Variants in SNCB observed in about 807,000 individuals in gnomAD.
The protein encoded by SNCB is synuclein beta.
A neutral mutation model predicts 20.0 loss-of-function variants in SNCB; 8 were observed. That is an observed-to-expected ratio of 0.40 (90% CI 0.24 to 0.72). SNCB has a LOEUF of 0.72. Ranked by LOEUF, SNCB falls within the 30% of genes least tolerant of loss-of-function variation. SNCB has a pLI of 0.37. For synonymous variants in SNCB, 56 were observed against 65.4 expected, an observed-to-expected ratio of 0.86 and a Z score of 0.69; for missense variants, 125 against 168.0, an observed-to-expected ratio of 0.74 and a Z score of 1.41.
At chr5:176,624,573 G>A (rs1759810195) in intron 4 of SNCB, among the ~76,000 whole-genome samples, 1 of 152,174 alleles carries the variant, frequency 6.6e-6, no homozygotes, top group African/African-American at 2.4e-5. Context: ...GGCCGAGGCA[G>A]GTGGATCACC....
Position 176,621,360 on chromosome 5 carries a change from C to T in SNCB, c.283-57G>A. On this transcript the variant is annotated intron_variant, in intron 4 of 5. Transcript: ENST00000393693. The surrounding 1 kb of genome is among the most constrained non-coding windows in gnomAD (Gnocchi z 4.1). ...ACAGCCAGGATGCCCCCCAAATTCC[C>T]ACAGTGGTAAGCTTTGGGTGGGTTG... 6.9e-7 allele frequency: 1 copy of T among 1,454,196 alleles called. No homozygotes were observed. The allele number at this position is 1,454,196 out of a possible 1,614,324, so 90.1% of individuals were successfully genotyped here.
In SNCB at chr5:176,621,223, G is replaced by A. The variant is rs1190905548; in HGVS notation, c.363C>T (p.Asp121=). Residue 121 remains aspartate (D), a synonymous_variant, in exon 5 of 6, where the codon GAC becomes GAT. Transcript: ENST00000393693. The surrounding 1 kb of genome is among the most constrained non-coding windows in gnomAD (Gnocchi z 4.1). ...LMEPEGESYE[D]PPQEEYQEYE... ...CCTGCTGCCCCCTCACCTGGGGTGG[G>A]TCCTCATAACTCTCCCCTTCTGGCT... 1.2e-6 allele frequency: 2 copies of A among 1,612,746 alleles called. No homozygotes were observed. Among genetic ancestry groups the A allele is most frequent in the Non-Finnish European group, 1.7e-6 (2 of 1,179,400 alleles).
rs541342382 is a variant in SNCB at position 176,620,958 on chromosome 5, C to T, written c.373-115G>A. 2.4e-5 allele frequency: 23 copies of T among 955,316 alleles called. No homozygotes were observed. The South Asian group carries it at 2.9e-4, about 12-fold the overall frequency. 59.2% of individuals were successfully genotyped at this position (955,316 alleles called of 1,614,324 possible). ...CTCCCTGAAGGAGGAATAGCACATT[C>T]CCCTTTTCCTGGGCAGGGGAGGAGC... On this transcript the variant is annotated intron_variant, in intron 5 of 5. Coordinates refer to ENST00000393693, the MANE Select transcript of SNCB (RefSeq NM_003085.5). This position sits in a 1 kb window ranked among gnomAD's most constrained non-coding sequence, Gnocchi z 4.5.
chr5:176,621,199 C>G lies in SNCB; in HGVS notation c.372+15G>C. 1 of 1,601,396 alleles carries G rather than the reference C, an allele frequency of 6.2e-7. No individual in the cohort carries two copies. The highest frequency in any genetic ancestry group is 8.5e-7 in the Non-Finnish European group (1 of 1,170,628). On this transcript the variant is annotated intron_variant, in intron 5 of 5. Coordinates refer to ENST00000393693, the MANE Select transcript of SNCB (RefSeq NM_003085.5). This position sits in a 1 kb window ranked among gnomAD's most constrained non-coding sequence, Gnocchi z 4.1. ...TGGATTCCCAAAGTCCCGCCCAGCC[C>G]TGCTGCCCCCTCACCTGGGGTGGGT...
In SNCB at chr5:176,626,764, G is replaced by A. The variant is rs1219912335; in HGVS notation, c.122-3C>T. 1 of 1,614,006 alleles carries A rather than the reference G, an allele frequency of 6.2e-7. No homozygotes were observed. The highest frequency in any genetic ancestry group is 2.2e-5 in the East Asian group (1 of 44,892). On this transcript the variant is annotated splice_region_variant and splice_polypyrimidine_tract_variant and intron_variant, in intron 2 of 5. Transcript: ENST00000393693. This position sits in a 1 kb window ranked among gnomAD's most constrained non-coding sequence, Gnocchi z 4.2. ...CACACCTTCTCGGGTCTTGCTTCCT[G>A]CAGGGAGAAAAAGCGGCACATTTAA...
rs1759915262 is a variant in SNCB, at chr5:176,626,005, G to T, written c.282+393C>A. 6.6e-6 allele frequency among the ~76,000 whole-genome samples: 1 copy of T among 152,180 alleles called. No homozygotes were observed. Among genetic ancestry groups the T allele is most frequent in the South Asian group, 2.1e-4 (1 of 4,834 alleles). ...TCTCCCACTACAATGTCAGCTGCAG[G>T]AACGTAGGAACCTATTCACTGCGGC... On this transcript the variant is annotated intron_variant, in intron 4 of 5. Coordinates refer to ENST00000393693, the MANE Select transcript of SNCB (RefSeq NM_003085.5). This position sits in a 1 kb window ranked among gnomAD's most constrained non-coding sequence, Gnocchi z 4.2.
intron 4 of SNCB, among the ~76,000 whole-genome samples, chr5:176,623,422 G>A (rs1048409438): frequency 1.3e-5 from 2 of 152,064 alleles, no homozygotes; most frequent in Non-Finnish European, 2.9e-5. Flanking sequence ...CTTGGAGGGC[G>A]ATAGGCAGGG....
chr5:176,626,707 G>A lies in SNCB; in HGVS notation c.163+13C>T, dbSNP rs1162592341. 1 of 1,613,886 alleles carries A rather than the reference G, an allele frequency of 6.2e-7. No homozygotes were observed. ...AAGTGAGAGAAGGGCTGGTGCCAGG[G>A]CTGGGCTAGTACCTGAAGCCACACC... On this transcript the variant is annotated intron_variant, in intron 3 of 5. Transcript: ENST00000393693. The surrounding 1 kb of genome is among the most constrained non-coding windows in gnomAD (Gnocchi z 4.2).
At position 176,629,899 on chromosome 5, in the gene SNCB, C is replaced by T. The variant is rs1760259079; in HGVS notation, c.-9-236G>A. ...GGGAGGGGCCACTGCCTCGGTTATC[C>T]GGGCCCTGCAAACTGCAGCCCCGTC... On this transcript the variant is annotated intron_variant, in intron 1 of 5. Coordinates refer to ENST00000393693, the MANE Select transcript of SNCB (RefSeq NM_003085.5). The surrounding 1 kb of genome is among the most constrained non-coding windows in gnomAD (Gnocchi z 4.1). 1 of 511,512 alleles carries T rather than the reference C, an allele frequency of 2.0e-6. No individual in the cohort carries two copies. The highest frequency in any genetic ancestry group is 3.7e-5 in the East Asian group (1 of 26,878). 31.7% of individuals were successfully genotyped at this position (511,512 alleles called of 1,614,324 possible). A position where few individuals can be genotyped will look rare whatever the true frequency, so the allele number is the denominator to read the frequency against.
At chr5:176,623,528 G>A (rs1231332916) in intron 4 of SNCB, among the ~76,000 whole-genome samples, 3 of 152,132 alleles carry the variant, frequency 2.0e-5, no homozygotes, top group Non-Finnish European at 4.4e-5. Context: ...CTCCATGAGT[G>A]AGTGCCCCAG....
In SNCB at chr5:176,621,149, C is replaced by T; in HGVS notation, c.372+65G>A. On this transcript the variant is annotated intron_variant, in intron 5 of 5. Coordinates refer to ENST00000393693, the MANE Select transcript of SNCB (RefSeq NM_003085.5). This position sits in a 1 kb window ranked among gnomAD's most constrained non-coding sequence, Gnocchi z 4.1. ...ATCTCATGCCAGGGATGTCCCACCCCAGCTAGGGACGGCAGCAATCATCCT... is the reference window on the plus strand; with the variant it reads ...ATCTCATGCCAGGGATGTCCCACCCTAGCTAGGGACGGCAGCAATCATCCT... 1 of 1,312,018 alleles carries T rather than the reference C, an allele frequency of 7.6e-7. No individual in the cohort carries two copies. Among genetic ancestry groups the T allele is most frequent in the Non-Finnish European group, 1.1e-6 (1 of 923,414 alleles). 81.3% of individuals were successfully genotyped at this position (1,312,018 alleles called of 1,614,324 possible).
Position 176,629,038 on chromosome 5 carries a change from G to C in SNCB, c.121+496C>G, listed in dbSNP as rs1760157795. ...GGGAGGCGCCACAAGGGGAGGGGTG[G>C]GGCTTCAGAATCTATAAAGCTCCGT... is the stretch of plus-strand genomic sequence containing the variant. On this transcript the variant is annotated intron_variant, in intron 2 of 5. Transcript: ENST00000393693. The surrounding 1 kb of genome is among the most constrained non-coding windows in gnomAD (Gnocchi z 4.1). Among the ~76,000 whole-genome samples the C allele has an allele frequency of 6.6e-6, 1 of 152,060 alleles. No individual in the cohort carries two copies. Among genetic ancestry groups the C allele is most frequent in the Non-Finnish European group, 1.5e-5 (1 of 67,994 alleles).
intron 2 of SNCB, among the ~76,000 whole-genome samples, chr5:176,628,584 A>G (rs1271349738): frequency 6.6e-6 from 1 of 151,876 alleles, no homozygotes; most frequent in East Asian, 1.9e-4. Context: ...ACCTCCTACC[A>G]CTACTTCCTG....
At position 176,626,794 on chromosome 5, in the gene SNCB, T is replaced by C. The variant is rs376549580; in HGVS notation, c.122-33A>G. On this transcript the variant is annotated intron_variant, in intron 2 of 5. Transcript: ENST00000393693. This position sits in a 1 kb window ranked among gnomAD's most constrained non-coding sequence, Gnocchi z 4.2. ...GAGAAAAAGCGGCACATTTAAGGAC[T>C]CTGCGCTGAGGGAACAGAAACTCCA... 2.4e-5 allele frequency: 38 copies of C among 1,613,212 alleles called. No homozygotes were observed. In the African/African-American group the frequency reaches 3.5e-4, roughly 15 times the overall value.
intron 4 of SNCB, among the ~76,000 whole-genome samples, chr5:176,625,989 A>G (rs1222756105): frequency 2.0e-5 from 3 of 152,162 alleles, no homozygotes; most frequent in Admixed American, 6.5e-5. Flanking sequence ...TTCTCCCACT[A>G]CAATGTCAGC....
At position 176,626,791 on chromosome 5, in the gene SNCB, G is replaced by T; in HGVS notation, c.122-30C>A. ...AGGGAGAAAAAGCGGCACATTTAAG[G>T]ACTCTGCGCTGAGGGAACAGAAACT... On this transcript the variant is annotated intron_variant, in intron 2 of 5. Transcript: ENST00000393693. This position sits in a 1 kb window ranked among gnomAD's most constrained non-coding sequence, Gnocchi z 4.2. 2 of 1,613,584 alleles carry T rather than the reference G, an allele frequency of 1.2e-6. No homozygotes were observed. The highest frequency in any genetic ancestry group is 1.7e-6 in the Non-Finnish European group (2 of 1,179,482).
chr5:176,625,765 G>A (rs1261420919), intron 4 of SNCB, among the ~76,000 whole-genome samples: 1 of 152,182 alleles, frequency 6.6e-6, no homozygotes, highest in Non-Finnish European at 1.5e-5. Flanking sequence ...GGTACTTGCT[G>A]TTCCTACAGC....
At chr5:176,627,079 G>A (rs966195303) in intron 2 of SNCB, among the ~76,000 whole-genome samples, 4 of 152,196 alleles carry the variant, frequency 2.6e-5, no homozygotes, top group East Asian at 3.9e-4. Flanking sequence ...CCTGGGAGGC[G>A]GGTGCTGTTA....
In SNCB at chr5:176,624,630, G is replaced by A. The variant is rs552408779; in HGVS notation, c.282+1768C>T. Among the ~76,000 whole-genome samples the A allele has an allele frequency of 2.2e-3, 339 of 152,026 alleles. 3 individuals carry two copies. Among genetic ancestry groups the A allele is most frequent in the Non-Finnish European group, 2.9e-3 (200 of 67,964 alleles). ...AGCCTGGCCAACATGGTGAAACCCCGTCTCTACTAAAAATACAAAAAATTA... is the reference window on the plus strand; with the variant it reads ...AGCCTGGCCAACATGGTGAAACCCCATCTCTACTAAAAATACAAAAAATTA... On this transcript the variant is annotated intron_variant, in intron 4 of 5. Transcript: ENST00000393693.
Sources: allele counts gnomAD v4.1 joint callset (sites outside exome capture counted in the v4.1 genomes callset), GRCh38; gene constraint gnomAD v4.1.1; non-coding constraint Gnocchi (gnomAD v3.1); transcripts MANE v1.5; gene names NCBI Gene and HGNC (gene_info 2026-07-23, HGNC 2026-07-21).